Variants in XNDC1N observed in about 807,000 individuals in gnomAD.
The protein encoded by XNDC1N is protein XNDC1N.
chr11:71,882,792 G>A, the XNDC1N span, among the ~76,000 whole-genome samples: 1 of 152,142 alleles, frequency 6.6e-6, no homozygotes, highest in African/African-American at 2.4e-5. Flanking sequence ...AACTGTTGGG[G>A]GGTGGGAATG....
At chr11:71,869,533 A>G in the XNDC1N span, among the ~76,000 whole-genome samples, 1 of 152,160 alleles carries the variant, frequency 6.6e-6, no homozygotes, top group East Asian at 1.9e-4. Flanking sequence ...AGCATGGCCT[A>G]TTTTGCTGTT....
chr11:71,917,280 C>T, the XNDC1N span: 1 of 677,240 alleles, frequency 1.5e-6, no homozygotes, highest in Non-Finnish European at 2.7e-6. Context: ...TCCCAAAGTG[C>T]TGGGATTACA....
the XNDC1N span, among the ~76,000 whole-genome samples, chr11:71,909,141 G>A: frequency 6.6e-6 from 1 of 152,206 alleles, no homozygotes; most frequent in Non-Finnish European, 1.5e-5. Flanking sequence ...AAGCCCAGAA[G>A]ACATGAGAAG....
At chr11:71,914,751 A>G in the XNDC1N span, among the ~76,000 whole-genome samples, 1 of 152,212 alleles carries the variant, frequency 6.6e-6, no homozygotes, top group African/African-American at 2.4e-5. Context: ...AGGATGTGAC[A>G]GAATTACTGC....
At chr11:71,921,558 A>G in the XNDC1N span, among the ~76,000 whole-genome samples, 2 of 152,172 alleles carry the variant, frequency 1.3e-5, no homozygotes, top group East Asian at 3.8e-4. Flanking sequence ...GATTACAGGT[A>G]TGAGCCCTGT....
At chr11:71,895,310 T>C in the XNDC1N span, among the ~76,000 whole-genome samples, 1 of 152,046 alleles carries the variant, frequency 6.6e-6, no homozygotes, top group Non-Finnish European at 1.5e-5. Context: ...ATTTTCTATT[T>C]CTTTCCCTTT....
chr11:71,880,189 C>T, the XNDC1N span, among the ~76,000 whole-genome samples: 2 of 151,888 alleles, frequency 1.3e-5, no homozygotes, highest in African/African-American at 4.8e-5. Flanking sequence ...AGGTATAAAC[C>T]ACAGTTTAAT....
the XNDC1N span, chr11:71,915,953 A>T: frequency 1.7e-6 from 1 of 596,192 alleles, no homozygotes; most frequent in Non-Finnish European, 3.0e-6. Flanking sequence ...TGATACTTGT[A>T]TTTGTGTGTG....
chr11:71,905,281 A>C, the XNDC1N span, among the ~76,000 whole-genome samples: 1 of 152,136 alleles, frequency 6.6e-6, no homozygotes, highest in South Asian at 2.1e-4. Context: ...GAATGCTATC[A>C]CAGGGTGTGA....
At chr11:71,874,764 C>T in the XNDC1N span, among the ~76,000 whole-genome samples, 1 of 152,110 alleles carries the variant, frequency 6.6e-6, no homozygotes. Flanking sequence ...AAAAAAATTG[C>T]CTCCTAACAA....
At chr11:71,900,150 C>A in the XNDC1N span, among the ~76,000 whole-genome samples, 1 of 152,240 alleles carries the variant, frequency 6.6e-6, no homozygotes, top group Non-Finnish European at 1.5e-5. Flanking sequence ...CTTATTATCA[C>A]CCTGCCCTCC....
the XNDC1N span, among the ~76,000 whole-genome samples, chr11:71,880,704 T>C: frequency 6.6e-6 from 1 of 152,180 alleles, no homozygotes; most frequent in African/African-American, 2.4e-5. Context: ...CTTTGGTATG[T>C]TGTGTTTCCA....
the XNDC1N span, chr11:71,928,282 G>A: frequency 1.2e-5 from 7 of 594,980 alleles, no homozygotes; most frequent in African/African-American, 7.5e-5. Flanking sequence ...TCGGGAACAG[G>A]CTGCTCAGTT....
chr11:71,919,539 C>G, the XNDC1N span, among the ~76,000 whole-genome samples: 2 of 151,988 alleles, frequency 1.3e-5, no homozygotes, highest in African/African-American at 4.8e-5. Flanking sequence ...AGGTGCCCAC[C>G]ACCATGCCCA....
chr11:71,888,049 C>G, the XNDC1N span, among the ~76,000 whole-genome samples: 3 of 152,114 alleles, frequency 2.0e-5, no homozygotes, highest in Non-Finnish European at 4.4e-5. Context: ...AGAAGTTTCC[C>G]AGCAGAGACC....
the XNDC1N span, among the ~76,000 whole-genome samples, chr11:71,915,412 C>A: frequency 2.0e-5 from 3 of 150,476 alleles, no homozygotes; most frequent in East Asian, 5.8e-4. Flanking sequence ...CGCCCCACTG[C>A]ACTCCAGCCT....
chr11:71,900,844 G>A, the XNDC1N span, among the ~76,000 whole-genome samples: 13 of 152,160 alleles, frequency 8.5e-5, no homozygotes, highest in African/African-American at 2.7e-4. Flanking sequence ...AAGGAGCAAC[G>A]CCTTTTCATA....
the XNDC1N span, among the ~76,000 whole-genome samples, chr11:71,882,588 T>C: frequency 3.3e-5 from 5 of 152,204 alleles, no homozygotes; most frequent in Non-Finnish European, 7.3e-5. Flanking sequence ...AAATAGAGTT[T>C]GTCACCAGTA....
the XNDC1N span, among the ~76,000 whole-genome samples, chr11:71,886,437 C>T: frequency 6.6e-6 from 1 of 152,074 alleles, no homozygotes; most frequent in African/African-American, 2.4e-5. Flanking sequence ...GTTGGACCCA[C>T]ATGAAAGAGA....
Sources: allele counts gnomAD v4.1 joint callset (sites outside exome capture counted in the v4.1 genomes callset), GRCh38; gene constraint gnomAD v4.1.1; transcripts MANE v1.5; gene names NCBI Gene and HGNC (gene_info 2026-07-23, HGNC 2026-07-21).